The following ASCC1 variants were observed in gnomAD, a reference collection of about 807,000 sequenced individuals.
ASCC1 encodes the protein activating signal cointegrator 1 complex subunit 1, also known as ASC-1 complex subunit P50.
A neutral mutation model predicts 46.6 loss-of-function variants in ASCC1; 35 were observed. The observed-to-expected ratio is 0.75, with a 90% confidence interval of 0.57 to 0.99. The LOEUF (loss-of-function observed/expected upper bound fraction) is 0.99, where lower values mean the gene tolerates loss of function less well. Among genes scored for constraint, ASCC1 ranks in the 50% least tolerant of loss-of-function variants. The pLI is 0.00. For synonymous variants in ASCC1, 143 were observed against 146.6 expected, an observed-to-expected ratio of 0.98 and a Z score of 0.18; for missense variants, 376 against 428.7, an observed-to-expected ratio of 0.88 and a Z score of 1.09.
intron 5 of ASCC1, among the ~76,000 whole-genome samples, chr10:72,173,754 TATC>T (rs3063691): frequency 0.13 from 19,871 of 152,096 alleles, 4,094 homozygotes; most frequent in African/African-American, 0.44. Context: ...GCTCGGAATA[TATC>T]ATCATATTCC....
intron 3 of ASCC1, among the ~76,000 whole-genome samples, chr10:72,210,235 C>T (rs6480600): frequency 6.6e-6 from 1 of 150,828 alleles, no homozygotes; most frequent in Non-Finnish European, 1.5e-5. Flanking sequence ...TCTCGGCTCA[C>T]TGCAACCTCT....
chr10:72,100,393 T>C (rs990340692), intron 9 of ASCC1, among the ~76,000 whole-genome samples: 4 of 151,958 alleles, frequency 2.6e-5, no homozygotes, highest in African/African-American at 9.7e-5. Flanking sequence ...ACCCAGATAA[T>C]TTCTGTATTT....
At chr10:72,111,542 A>AT (rs1362497202) in intron 9 of ASCC1, among the ~76,000 whole-genome samples, 1 of 152,170 alleles carries the variant, frequency 6.6e-6, no homozygotes, top group African/African-American at 2.4e-5. Flanking sequence ...TCTGAATTGA[A>AT]TTTCTGATTA....
At chr10:72,125,172 C>T (rs1432122198) in intron 9 of ASCC1, among the ~76,000 whole-genome samples, 3 of 152,190 alleles carry the variant, frequency 2.0e-5, no homozygotes, top group Non-Finnish European at 4.4e-5. Flanking sequence ...TTGGCTGTTA[C>T]TCATTAAATT....
chr10:72,205,184 A>C (rs1314305753), intron 3 of ASCC1, among the ~76,000 whole-genome samples: 3 of 152,178 alleles, frequency 2.0e-5, no homozygotes, highest in African/African-American at 7.2e-5. Flanking sequence ...AAAAAAATAA[A>C]AATAGGCCAG....
intron 5 of ASCC1, among the ~76,000 whole-genome samples, chr10:72,178,646 G>A (rs1386735259): frequency 6.6e-6 from 1 of 152,128 alleles, no homozygotes; most frequent in African/African-American, 2.4e-5. Flanking sequence ...GAGACCCTAA[G>A]CAGACAACCC....
At chr10:72,119,039 G>A (rs1843854809) in intron 9 of ASCC1, among the ~76,000 whole-genome samples, 1 of 152,138 alleles carries the variant, frequency 6.6e-6, no homozygotes, top group African/African-American at 2.4e-5. Context: ...ACACACACAG[G>A]TGGATACAGA....
rs528178676 is a variant in ASCC1 at position 72,146,046 on chromosome 10, T to A, written c.746+6823A>T. Among the ~76,000 whole-genome samples the A allele has an allele frequency of 3.9e-5, 6 of 152,328 alleles. No individual in the cohort carries two copies. In the South Asian group the frequency reaches 1.2e-3, roughly 32 times the overall value. On this transcript the variant is annotated intron_variant, in intron 7 of 9. Transcript: ENST00000672957. ...CTGTGACTTTGCATTTGCTATTTAT[T>A]CCCATTTCCTAAAAAGGTACTCCTT...
chr10:72,190,704 A>G, intron 5 of ASCC1: 2 of 623,102 alleles, frequency 3.2e-6, no homozygotes, highest in South Asian at 4.2e-5. Context: ...AAATTAAGAC[A>G]GTTAAAGTGA....
intron 3 of ASCC1, among the ~76,000 whole-genome samples, chr10:72,206,516 T>C (rs1489123043): frequency 6.6e-6 from 1 of 152,182 alleles, no homozygotes; most frequent in Admixed American, 6.5e-5. Flanking sequence ...TCCCAATAAG[T>C]GGCACAGAGC....
intron 7 of ASCC1, among the ~76,000 whole-genome samples, chr10:72,149,552 T>A (rs1564649802): frequency 6.6e-6 from 1 of 151,946 alleles, no homozygotes; most frequent in Non-Finnish European, 1.5e-5. Flanking sequence ...ATACAACTCA[T>A]GTAAAACAAA....
At chr10:72,119,644 C>T (rs1392473629) in intron 9 of ASCC1, among the ~76,000 whole-genome samples, 1 of 151,924 alleles carries the variant, frequency 6.6e-6, no homozygotes, top group Non-Finnish European at 1.5e-5. Context: ...CATCACACAA[C>T]AGTACATCAT....
At chr10:72,184,685 C>T (rs11000207) in intron 5 of ASCC1, among the ~76,000 whole-genome samples, 1 of 151,402 alleles carries the variant, frequency 6.6e-6, no homozygotes, top group African/African-American at 2.4e-5. Flanking sequence ...CTCCTCTCTC[C>T]GCAACTAAAA....
At chr10:72,217,067 A>G (rs1859482132), upstream of ASCC1, 1 of 453,974 alleles carries the variant, frequency 2.2e-6, no homozygotes, top group Non-Finnish European at 4.4e-6. Context: ...TTCATCCGAA[A>G]TGCTCGGGAC....
At chr10:72,137,527 CA>C (rs397956947) in intron 7 of ASCC1, among the ~76,000 whole-genome samples, 72 of 76,116 alleles carry the variant, frequency 9.5e-4, no homozygotes, top group East Asian at 2.4e-3. Context: ...GACTCCATCT[CA>C]AAAAAAAAAA....
chr10:72,169,488 G>A (rs1233363007), intron 5 of ASCC1, among the ~76,000 whole-genome samples: 1 of 151,930 alleles, frequency 6.6e-6, no homozygotes, highest in South Asian at 2.1e-4. Flanking sequence ...TACCATTTAA[G>A]AAAGAAGGGA....
chr10:72,143,894 T>C (rs548986554), intron 7 of ASCC1, among the ~76,000 whole-genome samples: 2 of 152,108 alleles, frequency 1.3e-5, no homozygotes, highest in South Asian at 2.1e-4. Flanking sequence ...GCTGTTCTAT[T>C]AGGCTCATAC....
intron 3 of ASCC1, among the ~76,000 whole-genome samples, chr10:72,207,250 A>G (rs1347352893): frequency 1.3e-5 from 2 of 152,078 alleles, no homozygotes; most frequent in African/African-American, 4.8e-5. Flanking sequence ...CGTCTCTAAC[A>G]AAAACACAAA....
chr10:72,207,385 G>C (rs77474138), intron 3 of ASCC1, among the ~76,000 whole-genome samples: 74 of 152,310 alleles, frequency 4.9e-4, no homozygotes, highest in African/African-American at 1.7e-3. Flanking sequence ...CTGCACTCCA[G>C]CCCGAGTAAC....
Sources: allele counts gnomAD v4.1 joint callset (sites outside exome capture counted in the v4.1 genomes callset), GRCh38; gene constraint gnomAD v4.1.1; transcripts MANE v1.5; gene names NCBI Gene and HGNC (gene_info 2026-07-23, HGNC 2026-07-21).